Variants in CSRNP3 observed in about 807,000 individuals in gnomAD.
CSRNP3 encodes cysteine/serine-rich nuclear protein 3.
In CSRNP3, 12 loss-of-function variants were observed where a neutral mutation model predicts 48.0. The ratio of observed to expected loss-of-function variants is 0.25; its 90% CI spans 0.16 to 0.41. The LOEUF is 0.41. CSRNP3 is among the 10% of genes least tolerant of loss of function. The pLI is 1.00. For missense variants in CSRNP3, 580 were observed against 724.4 expected, an observed-to-expected ratio of 0.80 and a Z score of 2.29; for synonymous variants, 263 against 269.7, an observed-to-expected ratio of 0.98 and a Z score of 0.24.
intron 3 of CSRNP3, among the ~76,000 whole-genome samples, chr2:165,579,978 G>T (rs1685515320): frequency 1.5e-5 from 2 of 136,632 alleles, no homozygotes; most frequent in South Asian, 4.7e-4. Flanking sequence ...GCCCAGGCTG[G>T]AGTGCAATGG....
chr2:165,594,903 A>C (rs917147621), intron 3 of CSRNP3, 140 bp from the exon 4 acceptor site: 2 of 543,308 alleles, frequency 3.7e-6, no homozygotes, highest in Non-Finnish European at 6.1e-6. Context: ...TAGAAAAAAA[A>C]ATCTGCTAAA....
chr2:165,536,401 A>G (rs1206824201), intron 3 of CSRNP3, among the ~76,000 whole-genome samples: 64 of 151,858 alleles, frequency 4.2e-4, no homozygotes, highest in Admixed American at 4.2e-3. Context: ...GGTTTCCACA[A>G]TGTTTCCATA....
At chr2:165,596,230 A>C (rs1685809302) in intron 4 of CSRNP3, among the ~76,000 whole-genome samples, 1 of 151,458 alleles carries the variant, frequency 6.6e-6, no homozygotes, top group African/African-American at 2.4e-5. Flanking sequence ...AAAATTCTTA[A>C]GGTAATGTAA....
chr2:165,508,693 T>C (rs1027764945), intron 2 of CSRNP3, among the ~76,000 whole-genome samples: 4 of 152,196 alleles, frequency 2.6e-5, no homozygotes, highest in Non-Finnish European at 5.9e-5. Flanking sequence ...AAACAGATCA[T>C]ATCTATACAT....
chr2:165,537,392 A>T (rs1267118584), intron 3 of CSRNP3, among the ~76,000 whole-genome samples: 1 of 148,966 alleles, frequency 6.7e-6, no homozygotes, highest in Non-Finnish European at 1.5e-5. Flanking sequence ...CAGGAACCTC[A>T]CCTTGAATTT....
At chr2:165,590,181 A>C (rs1039165613) in intron 3 of CSRNP3, among the ~76,000 whole-genome samples, 1 of 152,234 alleles carries the variant, frequency 6.6e-6, no homozygotes, top group Non-Finnish European at 1.5e-5. Context: ...TAATCTGAAT[A>C]GTGGTAAAAT....
At chr2:165,665,068 C>T (rs994637846) in intron 5 of CSRNP3, among the ~76,000 whole-genome samples, 7 of 152,108 alleles carry the variant, frequency 4.6e-5, no homozygotes, top group Non-Finnish European at 1.0e-4. Context: ...GATAAGCTTG[C>T]CTTTTAGGTC....
At chr2:165,471,600 A>C (rs1196954694) in intron 1 of CSRNP3, among the ~76,000 whole-genome samples, 1 of 152,106 alleles carries the variant, frequency 6.6e-6, no homozygotes, top group Non-Finnish European at 1.5e-5. Context: ...TTGGCTAAAA[A>C]TATCACCCTT....
At chr2:165,669,204 C>T (rs984768067) in intron 5 of CSRNP3, among the ~76,000 whole-genome samples, 1 of 152,184 alleles carries the variant, frequency 6.6e-6, no homozygotes, top group Non-Finnish European at 1.5e-5. Context: ...CTTTTTCACA[C>T]GTGTGAATAA....
At chr2:165,675,522 A>G (rs1489096966) in intron 5 of CSRNP3, among the ~76,000 whole-genome samples, 1 of 152,244 alleles carries the variant, frequency 6.6e-6, no homozygotes, top group Non-Finnish European at 1.5e-5. Context: ...GATGAGATTA[A>G]TTTAGAGAAG....
intron 3 of CSRNP3, among the ~76,000 whole-genome samples, chr2:165,520,748 T>C (rs1169926558): frequency 7.4e-6 from 1 of 135,698 alleles, no homozygotes. Context: ...TATAGATATA[T>C]AAATAGATAT....
chr2:165,533,346 G>A (rs140269052), intron 3 of CSRNP3, among the ~76,000 whole-genome samples: 1 of 152,124 alleles, frequency 6.6e-6, no homozygotes, highest in Non-Finnish European at 1.5e-5. Flanking sequence ...TTTCCTAATC[G>A]TTTTCACCCT....
At chr2:165,677,936 C>T (rs946844810) in intron 6 of CSRNP3, among the ~76,000 whole-genome samples, 2 of 152,102 alleles carry the variant, frequency 1.3e-5, no homozygotes, top group Non-Finnish European at 2.9e-5. Flanking sequence ...ATTGATGAAA[C>T]GTACATGCCC....
intron 3 of CSRNP3, among the ~76,000 whole-genome samples, chr2:165,527,268 G>A (rs1373034800): frequency 6.9e-6 from 1 of 144,014 alleles, no homozygotes; most frequent in Non-Finnish European, 1.5e-5. Flanking sequence ...GTGCAGTGGA[G>A]CTATCTTAGC....
intron 3 of CSRNP3, among the ~76,000 whole-genome samples, chr2:165,532,723 G>T (rs1395592770): frequency 6.6e-6 from 1 of 152,130 alleles, no homozygotes; most frequent in Non-Finnish European, 1.5e-5. Context: ...GATCAGGCAG[G>T]AGAAGGAAAT....
chr2:165,547,280 C>A (rs753754752), intron 3 of CSRNP3, among the ~76,000 whole-genome samples: 4 of 152,124 alleles, frequency 2.6e-5, no homozygotes, highest in Non-Finnish European at 5.9e-5. Flanking sequence ...ACAATAAGCA[C>A]CTGTGTAATT....
intron 4 of CSRNP3, among the ~76,000 whole-genome samples, chr2:165,600,501 A>G (rs185460438): frequency 4.5e-4 from 68 of 152,344 alleles, no homozygotes; most frequent in East Asian, 2.5e-3. Flanking sequence ...TCCCTGAGGA[A>G]TCACCACACT....
intron 1 of CSRNP3, among the ~76,000 whole-genome samples, chr2:165,479,442 A>G (rs1201300370): frequency 6.6e-6 from 1 of 152,096 alleles, no homozygotes; most frequent in Non-Finnish European, 1.5e-5. Context: ...CCTAACCCCC[A>G]TATGCTTCAG....
At chr2:165,654,997 G>A (rs6761418) in intron 4 of CSRNP3, among the ~76,000 whole-genome samples, 5,484 of 152,170 alleles carry the variant, frequency 0.036, 288 homozygotes, top group African/African-American at 0.11. Flanking sequence ...CTCTCAATTT[G>A]TACTTACTGA....
Sources: allele counts gnomAD v4.1 joint callset (sites outside exome capture counted in the v4.1 genomes callset), GRCh38; gene constraint gnomAD v4.1.1; transcripts MANE v1.5; gene names NCBI Gene and HGNC (gene_info 2026-07-23, HGNC 2026-07-21).